Variants in PHIP observed in about 807,000 individuals in gnomAD.
PHIP encodes PHIP subunit of CUL4-Ring ligase complex.
PHIP carries 54 observed loss-of-function variants against 236.8 expected under a neutral mutation model. The ratio of observed to expected loss-of-function variants is 0.23; its 90% CI spans 0.18 to 0.29. The LOEUF is 0.29. PHIP is among the 10% of genes least tolerant of loss of function. The pLI is 1.00. For synonymous variants in PHIP, 756 were observed against 718.9 expected (o/e 1.05, Z -0.83); for missense variants, 1,370 against 2,190.8 (o/e 0.63, Z 7.48).
chr6:79,020,180 CT>C (rs1480773815), intron 9 of PHIP, among the ~76,000 whole-genome samples: 26 of 151,274 alleles, frequency 1.7e-4, no homozygotes, highest in Non-Finnish European at 3.1e-4. Context: ...TAAAAAAAAG[CT>C]TTTTACCATT....
intron 6 of PHIP, among the ~76,000 whole-genome samples, chr6:79,051,766 C>T (rs1433049744): frequency 6.6e-6 from 1 of 152,034 alleles, no homozygotes; most frequent in Non-Finnish European, 1.5e-5. Flanking sequence ...TTTAATCTTC[C>T]TCCTATTTTA....
chr6:79,027,857 T>C (rs1240116014), intron 7 of PHIP, among the ~76,000 whole-genome samples: 1 of 152,066 alleles, frequency 6.6e-6, no homozygotes, highest in East Asian at 1.9e-4. Context: ...ATGCATGACT[T>C]TGGACATGTT....
chr6:79,063,254 A>G (rs1310468366), intron 4 of PHIP, among the ~76,000 whole-genome samples: 1 of 152,212 alleles, frequency 6.6e-6, no homozygotes, highest in East Asian at 1.9e-4. Context: ...AGTGCTTAAT[A>G]AAGTTCTAGT....
At chr6:78,947,935 C>T (rs181033740) in intron 35 of PHIP, among the ~76,000 whole-genome samples, 160 bp from the exon 36 acceptor site, 209 of 144,184 alleles carry the variant, frequency 1.4e-3, no homozygotes, top group African/African-American at 4.9e-3. Context: ...TCTAATAATT[C>T]TTATTTATTT....
chr6:79,015,319 T>C (rs901464146), intron 14 of PHIP, 103 bp from the exon 15 acceptor site: 2 of 964,626 alleles, frequency 2.1e-6, no homozygotes, highest in African/African-American at 3.3e-5. Flanking sequence ...AATGGAGTTT[T>C]AAGAAGTATT....
chr6:78,983,442 T>A (rs574081387), intron 22 of PHIP, among the ~76,000 whole-genome samples: 193 of 152,264 alleles, frequency 1.3e-3, no homozygotes, highest in African/African-American at 4.4e-3. Context: ...TCTGTGAGCA[T>A]ATAAAAATAA....
At chr6:79,009,236 G>A (rs1290747007) in intron 15 of PHIP, among the ~76,000 whole-genome samples, 1 of 151,856 alleles carries the variant, frequency 6.6e-6, no homozygotes, top group Non-Finnish European at 1.5e-5. Flanking sequence ...TTTGTTTTTC[G>A]TCATTATTTC....
chr6:78,941,876 C>T (rs1383736822), intron 39 of PHIP, among the ~76,000 whole-genome samples: 1 of 152,002 alleles, frequency 6.6e-6, no homozygotes, highest in East Asian at 1.9e-4. Context: ...TGATAAAAGG[C>T]CATTATGCTT....
intron 23 of PHIP, 117 bp from the exon 24 acceptor site, chr6:78,978,828 C>A (rs933334612): frequency 2.4e-5 from 19 of 791,594 alleles, no homozygotes; most frequent in Non-Finnish European, 3.3e-5. Flanking sequence ...CACCATTGTA[C>A]AATATTATAT....
chr6:78,985,900 C>G (rs1008590250), intron 21 of PHIP, among the ~76,000 whole-genome samples: 3 of 151,976 alleles, frequency 2.0e-5, no homozygotes, highest in African/African-American at 7.2e-5. Flanking sequence ...CAGCTTTTAC[C>G]TTTTTTTCAC....
At chr6:78,977,628 T>C (rs575620778) in intron 24 of PHIP, among the ~76,000 whole-genome samples, 214 of 152,230 alleles carry the variant, frequency 1.4e-3, no homozygotes, top group African/African-American at 4.9e-3. Flanking sequence ...CCTAACCATT[T>C]TGAAAGGAAA....
chr6:79,074,912 T>G (rs950339623), intron 4 of PHIP, among the ~76,000 whole-genome samples: 9 of 152,130 alleles, frequency 5.9e-5, no homozygotes, highest in Non-Finnish European at 1.5e-5. Flanking sequence ...ATTTGAGGTT[T>G]CCTAGAAATT....
At chr6:79,068,913 TATC>T (rs1181354621) in intron 4 of PHIP, among the ~76,000 whole-genome samples, 1 of 152,110 alleles carries the variant, frequency 6.6e-6, no homozygotes, top group African/African-American at 2.4e-5. Context: ...TTGGCACCAG[TATC>T]ATTTGTCTAA....
intron 24 of PHIP, 61 bp from the exon 25 acceptor site, chr6:78,970,949 G>C (rs1042748647): frequency 1.8e-6 from 2 of 1,102,394 alleles, no homozygotes; most frequent in African/African-American, 1.6e-5. Flanking sequence ...AATATACAGG[G>C]TATCAGCTGA....
At chr6:79,055,347 G>A (rs531319233) in intron 6 of PHIP, among the ~76,000 whole-genome samples, 2 of 152,178 alleles carry the variant, frequency 1.3e-5, no homozygotes, top group Non-Finnish European at 2.9e-5. Flanking sequence ...AATGTATTTA[G>A]GTCTCTTCTT....
chr6:79,026,340 A>G (rs1304532355), intron 7 of PHIP, among the ~76,000 whole-genome samples, 176 bp from the exon 8 acceptor site: 1 of 152,214 alleles, frequency 6.6e-6, no homozygotes, highest in Non-Finnish European at 1.5e-5. Flanking sequence ...ACTTAAAAAG[A>G]GCACTTGTGT....
At chr6:79,041,081 C>T (rs1475502533) in intron 7 of PHIP, among the ~76,000 whole-genome samples, 1 of 152,062 alleles carries the variant, frequency 6.6e-6, no homozygotes, top group Non-Finnish European at 1.5e-5. Context: ...CTGTACAGAG[C>T]TGGATAAATA....
At chr6:78,991,838 AT>A (rs1208491466) in intron 19 of PHIP, among the ~76,000 whole-genome samples, 15 of 151,008 alleles carry the variant, frequency 9.9e-5, no homozygotes, top group Non-Finnish European at 1.9e-4. Context: ...CTTGGATTTA[AT>A]TTTTTTGTTC....
intron 9 of PHIP, among the ~76,000 whole-genome samples, chr6:79,023,821 G>A (rs1348878693): frequency 1.3e-5 from 2 of 152,122 alleles, no homozygotes; most frequent in Non-Finnish European, 2.9e-5. Flanking sequence ...CACAAATAAG[G>A]TGTGAGTTTA....
Sources: allele counts gnomAD v4.1 joint callset (sites outside exome capture counted in the v4.1 genomes callset), GRCh38; gene constraint gnomAD v4.1.1; transcripts MANE v1.5; gene names NCBI Gene and HGNC (gene_info 2026-07-23, HGNC 2026-07-21).